LARGE1: variants seen among roughly 807,000 people sequenced by gnomAD.
The protein encoded by LARGE1 is LARGE xylosyl- and glucuronyltransferase 1.
LARGE1 carries 43 observed loss-of-function variants against 87.6 expected under a neutral mutation model. The ratio of observed to expected loss-of-function variants is 0.49; its 90% CI spans 0.38 to 0.63. The LOEUF is 0.63. LARGE1 is among the 30% of genes least tolerant of loss of function. The pLI is 0.00. For synonymous variants in LARGE1, 434 were observed against 394.6 expected (o/e 1.10, Z -1.18); for missense variants, 802 against 1,000.2 (o/e 0.80, Z 2.67).
intron 11 of LARGE1, among the ~76,000 whole-genome samples, chr22:33,253,867 A>G (rs1602152625): frequency 1.3e-5 from 2 of 150,960 alleles, no homozygotes; most frequent in African/African-American, 2.4e-5. Context: ...GGTATGACCA[A>G]CACTGGTAGC....
the LARGE1 span, among the ~76,000 whole-genome samples, chr22:33,099,314 C>T: frequency 1.3e-5 from 2 of 152,086 alleles, no homozygotes; most frequent in Admixed American, 6.6e-5. Flanking sequence ...AGTGCAATGG[C>T]GTGATCTCAG....
chr22:33,177,835 G>T (rs536947530), intron 11 of LARGE1, among the ~76,000 whole-genome samples: 40 of 152,264 alleles, frequency 2.6e-4, no homozygotes, highest in Non-Finnish European at 4.9e-4. Flanking sequence ...CGAGGGAGGG[G>T]CCTGATGGGA....
chr22:33,149,870 ATCTT>A, the LARGE1 span, among the ~76,000 whole-genome samples: 117 of 152,238 alleles, frequency 7.7e-4, no homozygotes, highest in African/African-American at 2.8e-3. Flanking sequence ...GCATCATTGA[ATCTT>A]TCTTATGCTT....
intron 9 of LARGE1, among the ~76,000 whole-genome samples, chr22:33,356,715 A>G (rs1940927469): frequency 6.6e-6 from 1 of 152,218 alleles, no homozygotes; most frequent in South Asian, 2.1e-4. Context: ...GGTTGCAGTG[A>G]GCGGGGATCA....
intron 7 of LARGE1, among the ~76,000 whole-genome samples, chr22:33,410,271 A>G (rs1399033210): frequency 6.6e-6 from 1 of 152,108 alleles, no homozygotes; most frequent in African/African-American, 2.4e-5. Flanking sequence ...TCTCTAACCT[A>G]TAGACTGGGG....
chr22:33,597,742 C>T (rs138582859), intron 5 of LARGE1, among the ~76,000 whole-genome samples: 1 of 152,330 alleles, frequency 6.6e-6, no homozygotes, highest in East Asian at 1.9e-4. Flanking sequence ...TGCCGCTTCC[C>T]TTCCTGAGCT....
chr22:33,124,500 G>T, the LARGE1 span, among the ~76,000 whole-genome samples: 2 of 152,034 alleles, frequency 1.3e-5, no homozygotes, highest in Non-Finnish European at 2.9e-5. Context: ...CAGTTTTGAT[G>T]ACCAATTTCC....
rs1236246934 is a variant in LARGE1, at chr22:33,431,337, T to G, written c.892+824A>C. On this transcript the variant is annotated intron_variant, in intron 7 of 14. Transcript: ENST00000397394. ...CTGGTGAACAAGAAGGGTTGATGGA[T>G]GAATGAAGGACACCAATAACAGAGA... Among the ~76,000 whole-genome samples, 3 of 152,142 alleles carry G rather than the reference T, an allele frequency of 2.0e-5. No homozygotes were observed. In the East Asian group the frequency reaches 5.8e-4, roughly 29 times the overall value.
chr22:33,561,913 G>A (rs767558916), intron 6 of LARGE1, among the ~76,000 whole-genome samples: 1 of 152,196 alleles, frequency 6.6e-6, no homozygotes, highest in Admixed American at 6.5e-5. Flanking sequence ...AATGAATTTA[G>A]GAACAAGGGG....
intron 11 of LARGE1, among the ~76,000 whole-genome samples, chr22:33,206,113 C>T (rs1174354712): frequency 2.0e-5 from 3 of 152,042 alleles, no homozygotes; most frequent in Non-Finnish European, 4.4e-5. Flanking sequence ...CGCCACCACA[C>T]CCGGCTAATT....
In LARGE1 at chr22:33,786,797, G is replaced by A. The variant is rs181050430; in HGVS notation, c.-82-25239C>T. Reference sequence around the variant, plus strand: ...AGCACTTTGGGAGGCCAAGGTGGGCGGATCACCAGGTCAGGAGTTCGAGAC... The same window carrying A: ...AGCACTTTGGGAGGCCAAGGTGGGCAGATCACCAGGTCAGGAGTTCGAGAC... On this transcript the variant is annotated intron_variant, in intron 1 of 14. Coordinates refer to ENST00000397394, the MANE Select transcript of LARGE1 (RefSeq NM_133642.5). Among the ~76,000 whole-genome samples the A allele has an allele frequency of 2.7e-3, 416 of 152,242 alleles. 4 individuals carry two copies. Among genetic ancestry groups the A allele is most frequent in the African/African-American group, 9.0e-3 (376 of 41,548 alleles).
intron 6 of LARGE1, among the ~76,000 whole-genome samples, chr22:33,506,630 G>A (rs1028680780): frequency 3.3e-5 from 5 of 152,220 alleles, no homozygotes; most frequent in African/African-American, 1.2e-4. Context: ...GCCTGGGGCA[G>A]TGGCTCACGC....
At chr22:33,319,581 A>G (rs1415190668) in intron 10 of LARGE1, among the ~76,000 whole-genome samples, 1 of 152,124 alleles carries the variant, frequency 6.6e-6, no homozygotes, top group Non-Finnish European at 1.5e-5. Context: ...TTTTTAATAG[A>G]GACAGGGTTT....
rs572695525 is a variant in LARGE1, at chr22:33,904,667, C to T, written c.-83+15328G>A. 2.0e-4 allele frequency among the ~76,000 whole-genome samples: 30 copies of T among 152,284 alleles called. No individual in the cohort carries two copies. The South Asian group carries it at 4.4e-3, about 22-fold the overall frequency. ...TTAGATCCAGCCCTGCCTGACGCTGCCCTCGGGTCTTCAGTCACTTAAGAA... is the reference window on the plus strand; with the variant it reads ...TTAGATCCAGCCCTGCCTGACGCTGTCCTCGGGTCTTCAGTCACTTAAGAA... On this transcript the variant is annotated intron_variant, in intron 1 of 14. Coordinates refer to ENST00000397394, the MANE Select transcript of LARGE1 (RefSeq NM_133642.5).
intron 2 of LARGE1, among the ~76,000 whole-genome samples, chr22:33,685,375 C>T (rs1014118625): frequency 2.0e-4 from 31 of 152,182 alleles, no homozygotes; most frequent in African/African-American, 6.8e-4. Context: ...GTCAAATGTG[C>T]ATCCCTAATA....
intron 1 of LARGE1, among the ~76,000 whole-genome samples, chr22:33,911,973 T>C (rs764540625): frequency 2.6e-4 from 40 of 152,180 alleles, no homozygotes; most frequent in Non-Finnish European, 4.6e-4. Flanking sequence ...TGACCATTCA[T>C]TCACAAAACA....
intron 9 of LARGE1, among the ~76,000 whole-genome samples, chr22:33,345,821 GAA>G (rs150753005): frequency 0.018 from 2,741 of 152,310 alleles, 99 homozygotes; most frequent in African/African-American, 0.063. Context: ...CAAGGCTGTG[GAA>G]AGAGTCCAGC....
intron 2 of LARGE1, among the ~76,000 whole-genome samples, chr22:33,730,504 T>A (rs2083427082): frequency 2.0e-5 from 3 of 152,180 alleles, no homozygotes; most frequent in Non-Finnish European, 4.4e-5. Context: ...AAATTGTTTT[T>A]GAAAGCTTAC....
At chr22:33,826,381 C>T (rs973704387) in intron 1 of LARGE1, among the ~76,000 whole-genome samples, 2 of 147,880 alleles carry the variant, frequency 1.4e-5, no homozygotes, top group East Asian at 4.0e-4. Context: ...CTCGCTCTGT[C>T]GCACAGGCTG....
Sources: gnomAD v4.1 joint callset for allele counts (sites outside exome capture counted in the v4.1 genomes callset) on GRCh38, gnomAD v4.1.1 for gene constraint, MANE v1.5 for transcripts, NCBI Gene and HGNC (gene_info 2026-07-23, HGNC 2026-07-21) for gene names.